The following BLTP1 variants were observed in gnomAD, a reference collection of about 807,000 sequenced individuals.
The protein encoded by BLTP1 is bridge-like lipid transfer protein family member 1.
chr4:122,325,162 CTT>C, the BLTP1 span: 3 of 1,443,724 alleles, frequency 2.1e-6, no homozygotes, highest in Non-Finnish European at 1.9e-6. Flanking sequence ...ATTAATCAGA[CTT>C]TTATAAAGTC....
At chr4:122,294,463 G>A in the BLTP1 span, among the ~76,000 whole-genome samples, 7 of 152,206 alleles carry the variant, frequency 4.6e-5, no homozygotes, top group Non-Finnish European at 8.8e-5. Context: ...GGAACCTGGT[G>A]CAGGAGGAAC....
the BLTP1 span, chr4:122,200,315 C>T: frequency 1.0e-6 from 1 of 978,508 alleles, no homozygotes; most frequent in Non-Finnish European, 1.2e-6. Flanking sequence ...TGGTGACTCA[C>T]ACCTGTAATC....
chr4:122,353,684 C>A, the BLTP1 span: 1 of 1,104,296 alleles, frequency 9.1e-7, no homozygotes. The surrounding 1 kb of genome is among the most constrained non-coding windows in gnomAD (Gnocchi z 4.3). Context: ...TGGTTTTTAT[C>A]CTCATTTATT....
chr4:122,187,940 A>G, the BLTP1 span: 10 of 1,593,064 alleles, frequency 6.3e-6, no homozygotes, highest in South Asian at 1.2e-5. Context: ...AACTCTGTGC[A>G]TCAACTTTGA....
the BLTP1 span, chr4:122,188,181 A>G: frequency 8.1e-7 from 1 of 1,238,966 alleles, no homozygotes; most frequent in Non-Finnish European, 1.0e-6. Flanking sequence ...TTTTGCTACA[A>G]GTTGTACAAA....
the BLTP1 span, chr4:122,188,864 T>G: frequency 3.9e-6 from 3 of 761,372 alleles, no homozygotes; most frequent in South Asian, 1.8e-4. Context: ...TGAAACATGA[T>G]TATTCCTTTT....
the BLTP1 span, among the ~76,000 whole-genome samples, chr4:122,176,245 G>T: frequency 6.6e-6 from 1 of 151,980 alleles, no homozygotes; most frequent in Non-Finnish European, 1.5e-5. Flanking sequence ...GGAGGTTGCA[G>T]TGAGCCAAGA....
chr4:122,284,699 A>T, the BLTP1 span, among the ~76,000 whole-genome samples: 2 of 152,232 alleles, frequency 1.3e-5, no homozygotes, highest in Non-Finnish European at 2.9e-5. Flanking sequence ...GAGAGAGACC[A>T]TATTTACAAA....
chr4:122,208,503 G>T, the BLTP1 span: 1 of 946,468 alleles, frequency 1.1e-6, no homozygotes, highest in African/African-American at 1.8e-5. Context: ...AGACTTACTA[G>T]AATCAAATGA....
the BLTP1 span, chr4:122,185,220 T>C: frequency 1.0e-6 from 1 of 981,788 alleles, no homozygotes; most frequent in Non-Finnish European, 1.2e-6. Flanking sequence ...GTAAACTCCA[T>C]AGTTTTCTAA....
chr4:122,241,735 T>G, the BLTP1 span, among the ~76,000 whole-genome samples: 1 of 152,242 alleles, frequency 6.6e-6, no homozygotes, highest in Non-Finnish European at 1.5e-5. Flanking sequence ...CATGCTAAGA[T>G]TTCAAAATGT....
the BLTP1 span, chr4:122,230,338 C>A: frequency 1.3e-6 from 1 of 746,482 alleles, no homozygotes. Context: ...CATGATTGTG[C>A]TGCTGCACCT....
At chr4:122,272,083 G>A in the BLTP1 span, 6 of 1,519,026 alleles carry the variant, frequency 3.9e-6, no homozygotes, top group Non-Finnish European at 5.3e-6. Context: ...GGAAAGAAAG[G>A]TAAGACAATG....
chr4:122,244,649 AC>A, the BLTP1 span: 1 of 983,258 alleles, frequency 1.0e-6, no homozygotes, highest in Middle Eastern at 5.2e-4. Context: ...TTCGGTGGAA[AC>A]GAGCTTTCAT....
chr4:122,226,870 A>G, the BLTP1 span: 2 of 1,493,232 alleles, frequency 1.3e-6, no homozygotes, highest in South Asian at 2.6e-5. Flanking sequence ...TATTATAAAC[A>G]TTTATGAATT....
chr4:122,359,766 C>G, the BLTP1 span: 1 of 1,535,828 alleles, frequency 6.5e-7, no homozygotes, highest in Non-Finnish European at 8.7e-7. Context: ...TAAGGGATTA[C>G]TATGAGCAAA....
chr4:122,349,382 GGA>G, the BLTP1 span: 1 of 1,557,486 alleles, frequency 6.4e-7, no homozygotes, highest in African/African-American at 1.4e-5. This position sits in a 1 kb window ranked among gnomAD's most constrained non-coding sequence, Gnocchi z 4.5. Context: ...AAATGCTTTT[GGA>G]GATGGATTCT....
At chr4:122,180,171 T>A in the BLTP1 span, 1 of 985,228 alleles carries the variant, frequency 1.0e-6, no homozygotes, top group Non-Finnish European at 1.2e-6. Flanking sequence ...GAATATAGGA[T>A]GTGATCCCTG....
the BLTP1 span, chr4:122,240,064 C>T: frequency 2.5e-6 from 4 of 1,614,182 alleles, no homozygotes; most frequent in South Asian, 2.2e-5. Flanking sequence ...ACTCATCCTT[C>T]TCAGGCTTCA....
Sources: allele counts gnomAD v4.1 joint callset (sites outside exome capture counted in the v4.1 genomes callset), GRCh38; gene constraint gnomAD v4.1.1; non-coding constraint Gnocchi (gnomAD v3.1); transcripts MANE v1.5; gene names NCBI Gene and HGNC (gene_info 2026-07-23, HGNC 2026-07-21).